TEX9: variants seen among roughly 807,000 people sequenced by gnomAD.
TEX9 encodes the protein testis expressed 9, also known as testis-expressed protein 9.
A neutral mutation model predicts 59.6 loss-of-function variants in TEX9; 74 were observed. The ratio of observed to expected loss-of-function variants is 1.24; its 90% CI spans 1.03 to 1.51. The LOEUF (loss-of-function observed/expected upper bound fraction) is 1.51. TEX9 is among the 40% of genes most tolerant of loss of function. TEX9 has a pLI of 0.00. For synonymous variants in TEX9, 186 were observed against 152.2 expected (o/e 1.22, Z -1.64); for missense variants, 522 against 447.8 (o/e 1.17, Z -1.49).
intron 11 of TEX9, 64 bp downstream of exon 11, chr15:56,427,803 A>ATTTTTCAC (rs2050382664): frequency 7.7e-7 from 1 of 1,295,188 alleles, no homozygotes. Flanking sequence ...AAAATTTAGC[A>ATTTTTCAC]TTTTTCACTT....
At chr15:56,419,732 T>G (rs1322746740) in intron 10 of TEX9, among the ~76,000 whole-genome samples, 1 of 151,872 alleles carries the variant, frequency 6.6e-6, no homozygotes, top group Admixed American at 6.6e-5. Flanking sequence ...TTAGGTTTTT[T>G]GGTTTGAATT....
In TEX9 at chr15:56,266,324, T is replaced by A. The variant is rs1460409205; in HGVS notation, c.-107+22046T>A. On this transcript the variant is annotated intron_variant, in intron 1 of 5. Coordinates refer to the TEX9 transcript ENST00000560827. ...TATTTTTAGTAGAGATGGGGTTTCT[T>A]TTCTTTTTTTTTTTTTAGTACTTTA... Among the ~76,000 whole-genome samples, 6 of 151,628 alleles carry A rather than the reference T, an allele frequency of 4.0e-5. No individual in the cohort carries two copies. In the East Asian group the frequency reaches 1.2e-3, roughly 29 times the overall value.
chr15:56,264,716 G>A (rs2044341712), intron 1 of TEX9, among the ~76,000 whole-genome samples: 1 of 152,206 alleles, frequency 6.6e-6, no homozygotes, highest in Admixed American at 6.5e-5. Flanking sequence ...TTATACTGCA[G>A]TAGTTTTATA....
chr15:56,426,923 T>G (rs572953844), intron 10 of TEX9, among the ~76,000 whole-genome samples: 1 of 151,970 alleles, frequency 6.6e-6, no homozygotes, highest in Non-Finnish European at 1.5e-5. Flanking sequence ...GTAAATTCTC[T>G]GCTTAGCTAA....
In TEX9 at chr15:56,438,028, T is replaced by C. The variant is rs370447933; in HGVS notation, c.*30-7643T>C. Among the ~76,000 whole-genome samples, 6 of 152,190 alleles carry C rather than the reference T, an allele frequency of 3.9e-5. No individual in the cohort carries two copies. The East Asian group carries it at 9.7e-4, about 25-fold the overall frequency. ...ATAGGAAGAATCAATATCGTGAAAA[T>C]GGCCATACTGCCCAAGGTAATTTAC... On this transcript the variant is annotated intron_variant, in intron 12 of 12. Coordinates refer to ENST00000352903, the Ensembl canonical transcript of TEX9.
At chr15:56,264,550 T>C (rs1384170056) in intron 1 of TEX9, among the ~76,000 whole-genome samples, 1 of 152,196 alleles carries the variant, frequency 6.6e-6, no homozygotes, top group Non-Finnish European at 1.5e-5. Context: ...TTTTCTTACA[T>C]GGTCTTTTGA....
At chr15:56,320,002 C>T (rs2045867175) in intron 1 of TEX9, among the ~76,000 whole-genome samples, 1 of 152,184 alleles carries the variant, frequency 6.6e-6, no homozygotes, top group Admixed American at 6.5e-5. Flanking sequence ...ACTCTTTCCT[C>T]TATGTCCTCT....
At chr15:56,428,800 G>A in intron 12 of TEX9, 1 of 353,408 alleles carries the variant, frequency 2.8e-6, no homozygotes, top group Non-Finnish European at 5.1e-6. Flanking sequence ...ACAGAAGGCA[G>A]TTCACTTTGG....
chr15:56,414,358 C>T (rs1300840907), intron 10 of TEX9, among the ~76,000 whole-genome samples: 1 of 151,616 alleles, frequency 6.6e-6, no homozygotes, highest in Non-Finnish European at 1.5e-5. Flanking sequence ...AGGCCCAGTA[C>T]TCAATAGTTA....
chr15:56,364,206 C>T (rs1029531937), upstream of TEX9, among the ~76,000 whole-genome samples: 13 of 151,426 alleles, frequency 8.6e-5, no homozygotes, highest in Non-Finnish European at 1.3e-4. Context: ...CAGGTTGGAG[C>T]GCAATGGTGC....
At chr15:56,267,185 T>C (rs763020389) in intron 1 of TEX9, among the ~76,000 whole-genome samples, 4 of 152,324 alleles carry the variant, frequency 2.6e-5, no homozygotes, top group African/African-American at 4.8e-5. Context: ...TTGATTTTCT[T>C]CCTGTAAATT....
At chr15:56,392,798 G>A (rs1036413455) in intron 7 of TEX9, among the ~76,000 whole-genome samples, 19 of 152,126 alleles carry the variant, frequency 1.2e-4, no homozygotes, top group African/African-American at 3.9e-4. Context: ...TAGAGGATGT[G>A]ATGCACAGGC....
chr15:56,384,155 G>T, intron 4 of TEX9, 124 bp downstream of exon 4: 2 of 660,586 alleles, frequency 3.0e-6, no homozygotes, highest in Non-Finnish European at 2.5e-6. Context: ...TATATAGGGG[G>T]CTTATACCAA....
At chr15:56,402,082 A>G (rs1274381522) in intron 9 of TEX9, among the ~76,000 whole-genome samples, 1 of 152,194 alleles carries the variant, frequency 6.6e-6, no homozygotes, top group Non-Finnish European at 1.5e-5. Context: ...CTAGAGAAGC[A>G]AGAGGAAACA....
chr15:56,328,965 C>T (rs1347734046), intron 1 of TEX9, among the ~76,000 whole-genome samples: 1 of 152,056 alleles, frequency 6.6e-6, no homozygotes, highest in African/African-American at 2.4e-5. Flanking sequence ...CTACAATGGC[C>T]CTTGGGCGAG....
rs1567150665 is a variant in TEX9, at chr15:56,442,747, T to C, written c.*30-2924T>C. The stretch of plus-strand genomic sequence containing the variant: ...ACTGGGGCCTACTTGAGGGTAGACA[T>C]AGGAGGAGGGTGAGGATCAATAAAC... On this transcript the variant is annotated intron_variant, in intron 12 of 12. Coordinates refer to ENST00000352903, the Ensembl canonical transcript of TEX9. 5.3e-5 allele frequency among the ~76,000 whole-genome samples: 8 copies of C among 152,182 alleles called. 1 individual carries two copies. The South Asian group carries it at 1.0e-3, about 20-fold the overall frequency.
At chr15:56,271,181 C>T (rs2044520554) in intron 1 of TEX9, among the ~76,000 whole-genome samples, 2 of 151,994 alleles carry the variant, frequency 1.3e-5, no homozygotes, top group African/African-American at 4.8e-5. Context: ...AATGTTGACC[C>T]ACCTTACTAG....
intron 12 of TEX9, chr15:56,431,246 G>A (rs1596249830): frequency 6.8e-6 from 7 of 1,034,700 alleles, no homozygotes; most frequent in African/African-American, 4.8e-5. Context: ...CTGGACAGGA[G>A]GATCCCATTG....
At chr15:56,339,220 T>C (rs1596101864) in intron 1 of TEX9, among the ~76,000 whole-genome samples, 1 of 150,826 alleles carries the variant, frequency 6.6e-6, no homozygotes, top group African/African-American at 2.4e-5. Context: ...CCGACTCTAC[T>C]AAAAATACAA....
Sources: gnomAD v4.1 joint callset for allele counts (sites outside exome capture counted in the v4.1 genomes callset) on GRCh38, gnomAD v4.1.1 for gene constraint, MANE v1.5 for transcripts, NCBI Gene and HGNC (gene_info 2026-07-23, HGNC 2026-07-21) for gene names.